The following CFAP44 variants were observed in gnomAD, a reference collection of about 807,000 sequenced individuals.
The protein encoded by CFAP44 is cilia and flagella associated protein 44.
A neutral mutation model predicts 216.2 loss-of-function variants in CFAP44; 134 were observed. The ratio of observed to expected loss-of-function variants is 0.62; its 90% CI spans 0.54 to 0.72. CFAP44 has a LOEUF of 0.72. Among genes scored for constraint, CFAP44 ranks in the 30% least tolerant of loss-of-function variants. CFAP44 has a pLI of 0.00. For missense variants in CFAP44, 2,035 were observed against 2,182.1 expected (o/e 0.93, Z 1.34); for synonymous variants, 700 against 727.6 (o/e 0.96, Z 0.61).
intron 15 of CFAP44, among the ~76,000 whole-genome samples, chr3:113,393,797 G>A (rs1317647049): frequency 6.6e-6 from 1 of 152,042 alleles, no homozygotes; most frequent in Non-Finnish European, 1.5e-5. Flanking sequence ...TTACAGGCGT[G>A]AGCCACCGCG....
rs1235885109 is a variant in CFAP44 at position 113,419,957 on chromosome 3, A to G, written c.570+60T>C. 3.2e-6 allele frequency: 5 copies of G among 1,564,304 alleles called. No individual in the cohort carries two copies. The East Asian group carries it at 9.0e-5, about 28-fold the overall frequency. The stretch of plus-strand genomic sequence containing the variant: ...ATCTAACAACCATGTTGGCTGGTCC[A>G]CAGAACAAGCAAAAAGATAGGGTTT... On this transcript the variant is annotated intron_variant, in intron 5 of 34. Coordinates refer to ENST00000393845, the MANE Select transcript of CFAP44 (RefSeq NM_001164496.2).
At chr3:113,298,092 TC>T (rs1327548694) in intron 32 of CFAP44, among the ~76,000 whole-genome samples, 1 of 152,204 alleles carries the variant, frequency 6.6e-6, no homozygotes, top group East Asian at 1.9e-4. Context: ...CTGGCCTCTC[TC>T]AGTAAAGAGC....
intron 17 of CFAP44, among the ~76,000 whole-genome samples, chr3:113,378,112 G>GCAATCTTCC (rs988429401): frequency 5.9e-5 from 9 of 152,206 alleles, no homozygotes; most frequent in African/African-American, 2.2e-4. Flanking sequence ...TTGGGCTCAA[G>GCAATCTTCC]CAATCTTCCC....
intron 22 of CFAP44, among the ~76,000 whole-genome samples, chr3:113,349,322 A>G (rs912604707): frequency 1.3e-5 from 2 of 152,202 alleles, no homozygotes; most frequent in African/African-American, 4.8e-5. Flanking sequence ...AGAAAGCTCC[A>G]AAAGCTAGCC....
intron 6 of CFAP44, among the ~76,000 whole-genome samples, chr3:113,413,736 A>T (rs1934561136): frequency 1.3e-5 from 2 of 152,196 alleles, no homozygotes; most frequent in South Asian, 4.2e-4. Context: ...TTTTGGTACC[A>T]GTACCATGCT....
At chr3:113,367,177 C>T (rs1009655288) in intron 18 of CFAP44, among the ~76,000 whole-genome samples, 5 of 152,210 alleles carry the variant, frequency 3.3e-5, no homozygotes, top group Admixed American at 3.3e-4. Context: ...CAGACTTAAA[C>T]GTTCTTGTCT....
intron 34 of CFAP44, 94 bp downstream of exon 34, chr3:113,294,593 T>G (rs1468551604): frequency 7.1e-7 from 1 of 1,415,754 alleles, no homozygotes; most frequent in Non-Finnish European, 9.2e-7. Context: ...CAAGCAAGGT[T>G]TGTTTAAATG....
chr3:113,346,232 C>T lies in CFAP44; in HGVS notation c.3066-1520G>A, dbSNP rs573095467. On this transcript the variant is annotated intron_variant, in intron 22 of 34. Coordinates refer to ENST00000393845, the MANE Select transcript of CFAP44 (RefSeq NM_001164496.2). The stretch of plus-strand genomic sequence containing the variant: ...CACCAATCAGCACTTTGTAAAAACA[C>T]ACCAATCAGCACTCTGTGTCTAGCT... 1.3e-4 allele frequency among the ~76,000 whole-genome samples: 20 copies of T among 152,184 alleles called. 1 individual carries two copies. In the South Asian group the frequency reaches 3.1e-3, roughly 24 times the overall value.
Position 113,358,730 on chromosome 3 carries a change from G to A in CFAP44, c.3065+15C>T, listed in dbSNP as rs1950513187. 5 of 1,535,950 alleles carry A rather than the reference G, an allele frequency of 3.3e-6. No individual in the cohort carries two copies. Among genetic ancestry groups the A allele is most frequent in the African/African-American group, 2.7e-5 (2 of 72,978 alleles). ...GCTCTCAAACATCTTAGCTTGTAGA[G>A]AATATGGATCCTACCGATTCTTTAG... On this transcript the variant is annotated intron_variant, in intron 22 of 34. Coordinates refer to ENST00000393845, the MANE Select transcript of CFAP44 (RefSeq NM_001164496.2).
At chr3:113,373,618 G>T (rs573854793) in intron 17 of CFAP44, 62 bp from the exon 18 acceptor site, 4 of 1,314,452 alleles carry the variant, frequency 3.0e-6, no homozygotes, top group East Asian at 2.8e-5. Context: ...AAATGCATGA[G>T]AATTTTTTGA....
In CFAP44 at chr3:113,433,637, C is replaced by G. The variant is rs774483229; in HGVS notation, c.28G>C (p.Asp10His). 3 of 1,613,308 alleles carry G rather than the reference C, an allele frequency of 1.9e-6. No homozygotes were observed. In the Admixed American group the frequency reaches 5.0e-5, roughly 27 times the overall value. Residue 10 changes from aspartate (D) to histidine (H), a missense_variant, in exon 2 of 35, where the codon GAT (aspartate) becomes CAT (histidine). Physicochemically the swap from Asp to His is moderately conservative, Grantham distance 81. Around this residue, in one of 3 missense-constraint regions of CFAP44, gnomAD observed 149 missense variants for 141.8 expected, o/e 1.05. Transcript: ENST00000393845. MKEPDDQDT[D>H]GEKSVTSKSD... ...TTTGATGTAACTGATTTCTCCCCAT[C>G]AGTATCCTGATCATCTGGTTCCTTC...
At chr3:113,320,871 G>A (rs1350076657) in intron 28 of CFAP44, among the ~76,000 whole-genome samples, 1 of 151,956 alleles carries the variant, frequency 6.6e-6, no homozygotes, top group African/African-American at 2.4e-5. Flanking sequence ...ATTAAGGGTG[G>A]GTCTACCTTT....
At chr3:113,372,808 C>T (rs907701234) in intron 18 of CFAP44, among the ~76,000 whole-genome samples, 4 of 152,074 alleles carry the variant, frequency 2.6e-5, no homozygotes, top group African/African-American at 9.7e-5. Flanking sequence ...AAAGATCATG[C>T]AAGAAGGCAA....
chr3:113,294,929 C>A, intron 33 of CFAP44, 108 bp from the exon 34 acceptor site: 3 of 1,278,038 alleles, frequency 2.3e-6, no homozygotes, highest in South Asian at 1.8e-5. Context: ...AGCAATGTGC[C>A]CATATGAAAA....
chr3:113,327,581 G>A (rs780050671), intron 27 of CFAP44, 35 bp downstream of exon 27: 1 of 1,512,416 alleles, frequency 6.6e-7, no homozygotes, highest in Non-Finnish European at 8.9e-7. Flanking sequence ...ATAACTAAGG[G>A]ACCAGCCAGC....
At chr3:113,439,838 T>A (rs1266866051) in intron 1 of CFAP44, among the ~76,000 whole-genome samples, 3 of 152,158 alleles carry the variant, frequency 2.0e-5, no homozygotes, top group African/African-American at 7.2e-5. Context: ...GCTCACTCAA[T>A]CCCAGCAGTG....
At chr3:113,389,708 T>C (rs1361764763) in intron 15 of CFAP44, among the ~76,000 whole-genome samples, 1 of 152,050 alleles carries the variant, frequency 6.6e-6, no homozygotes, top group Non-Finnish European at 1.5e-5. Context: ...AAAGGATCAG[T>C]AGAGGCTACT....
intron 28 of CFAP44, among the ~76,000 whole-genome samples, chr3:113,320,563 G>A (rs543877847): frequency 4.2e-5 from 6 of 143,838 alleles, no homozygotes; most frequent in Non-Finnish European, 7.7e-5. Flanking sequence ...TTATATATAT[G>A]TATATATAAT....
At chr3:113,381,826 T>C (rs1054007757) in intron 15 of CFAP44, among the ~76,000 whole-genome samples, 4 of 152,212 alleles carry the variant, frequency 2.6e-5, no homozygotes, top group Non-Finnish European at 4.4e-5. Flanking sequence ...GAAAAACATA[T>C]AATATCTGCC....
Sources: allele counts gnomAD v4.1 joint callset (sites outside exome capture counted in the v4.1 genomes callset), GRCh38; gene constraint gnomAD v4.1.1; regional missense constraint gnomAD v4.1.1; transcripts MANE v1.5; gene names NCBI Gene and HGNC (gene_info 2026-07-23, HGNC 2026-07-21).